CASQ2: variants seen among roughly 807,000 people sequenced by gnomAD.
CASQ2 encodes calsequestrin-2.
A neutral mutation model predicts 46.5 loss-of-function variants in CASQ2; 49 were observed. That is an observed-to-expected ratio of 1.05 (90% CI 0.84 to 1.34). The LOEUF is 1.34. CASQ2 is among the 40% of genes most tolerant of loss of function. The pLI, the probability that CASQ2 is intolerant of heterozygous loss-of-function variation, is 0.00. For missense variants in CASQ2, 486 were observed against 481.3 expected, an observed-to-expected ratio of 1.01 and a Z score of -0.09; for synonymous variants, 174 against 168.5, an observed-to-expected ratio of 1.03 and a Z score of -0.25.
intron 6 of CASQ2, among the ~76,000 whole-genome samples, 154 bp downstream of exon 6, chr1:115,726,838 C>A (rs778772079): frequency 6.6e-6 from 1 of 152,190 alleles, no homozygotes; most frequent in African/African-American, 2.4e-5. Context: ...CCCTGCTAGT[C>A]ATTACTGATC....
intron 1 of CASQ2, among the ~76,000 whole-genome samples, chr1:115,761,529 G>GAAGAAGAAGAAGAAGAAGA: frequency 1.5e-5 from 1 of 67,794 alleles, no homozygotes; most frequent in African/African-American, 5.0e-5. Context: ...AGAAGAAGAA[G>GAAGAAGAAGAAGAAGAAGA]AGTTCATAAA....
At chr1:115,703,206 C>T (rs1654264840) in intron 9 of CASQ2, among the ~76,000 whole-genome samples, 1 of 152,212 alleles carries the variant, frequency 6.6e-6, no homozygotes, top group Non-Finnish European at 1.5e-5. Context: ...ATTATGGAAA[C>T]ATGTGTCTGC....
intron 1 of CASQ2, among the ~76,000 whole-genome samples, chr1:115,757,791 CA>C (rs1294339164): frequency 1.3e-5 from 2 of 152,144 alleles, no homozygotes; most frequent in Non-Finnish European, 2.9e-5. Flanking sequence ...CTGGCAGATT[CA>C]ACCTCTTTAC....
intron 1 of CASQ2, among the ~76,000 whole-genome samples, chr1:115,761,489 AGAAGAAGG>A (rs1557806838): frequency 0.021 from 407 of 19,516 alleles, 10 homozygotes; most frequent in South Asian, 0.036. Context: ...AAGAAGAAGG[AGAAGAAGG>A]AGAAGAAGAA....
chr1:115,701,929 A>ATT (rs56927860), intron 10 of CASQ2, among the ~76,000 whole-genome samples: 54 of 148,458 alleles, frequency 3.6e-4, no homozygotes, highest in Admixed American at 7.4e-4. Context: ...ATTCTTTTTT[A>ATT]TTTTTTTTTT....
Position 115,731,055 on chromosome 1 carries a change from G to A in CASQ2, c.606+1846C>T, listed in dbSNP as rs373836357. ...GATGCAAGTTCTTAAGCACCAAATGGCATCAGAGTCCTCTCAGTGCTCTCC... is the reference window on the plus strand; with the variant it reads ...GATGCAAGTTCTTAAGCACCAAATGACATCAGAGTCCTCTCAGTGCTCTCC... On this transcript the variant is annotated intron_variant, in intron 5 of 10. Coordinates refer to ENST00000261448, the MANE Select transcript of CASQ2 (RefSeq NM_001232.4). 3.9e-5 allele frequency among the ~76,000 whole-genome samples: 6 copies of A among 152,206 alleles called. No homozygotes were observed. In the East Asian group the frequency reaches 9.6e-4, roughly 24 times the overall value.
intron 2 of CASQ2, among the ~76,000 whole-genome samples, chr1:115,741,258 C>T (rs1648165957): frequency 6.6e-6 from 1 of 152,192 alleles, no homozygotes; most frequent in Non-Finnish European, 1.5e-5. Flanking sequence ...GAGAACTGCT[C>T]TCTTGTCCCC....
intron 2 of CASQ2, among the ~76,000 whole-genome samples, chr1:115,741,292 T>A (rs1400711027): frequency 6.6e-6 from 1 of 152,222 alleles, no homozygotes; most frequent in East Asian, 1.9e-4. Flanking sequence ...TTGCTTCCTG[T>A]CCACATGTTT....
Position 115,732,949 on chromosome 1 carries a change from A to T in CASQ2, c.558T>A (p.Ala186=). 1.2e-6 allele frequency: 2 copies of T among 1,613,936 alleles called. No homozygotes were observed. The change falls in exon 5 of 11, where the codon GCT becomes GCA. Residue 186 remains alanine, a synonymous_variant. Transcript: ENST00000261448. ...ATTTGATGTAAGGCTGGAAGTGTTCAGCTGCTTCTTCAAAAGCCTTGTAGT... is the reference window on the plus strand; with the variant it reads ...ATTTGATGTAAGGCTGGAAGTGTTCTGCTGCTTCTTCAAAAGCCTTGTAGT... ...SEYYKAFEEA[A]EHFQPYIKFF... is the part of the protein sequence containing the mutation.
At chr1:115,710,890 G>C (rs541194064) in intron 8 of CASQ2, among the ~76,000 whole-genome samples, 1 of 152,202 alleles carries the variant, frequency 6.6e-6, no homozygotes, top group Non-Finnish European at 1.5e-5. Context: ...TCACATCTTT[G>C]TGGGAGGAGA....
chr1:115,748,611 A>G (rs1000604589), intron 1 of CASQ2, among the ~76,000 whole-genome samples: 1 of 149,156 alleles, frequency 6.7e-6, no homozygotes, highest in African/African-American at 2.5e-5. Flanking sequence ...TTTATGTATG[A>G]CTCATGTTGA....
At chr1:115,746,566 A>G (rs1056778061) in intron 1 of CASQ2, among the ~76,000 whole-genome samples, 6 of 152,180 alleles carry the variant, frequency 3.9e-5, no homozygotes, top group African/African-American at 1.4e-4. Context: ...TTTAATTTGC[A>G]TTTTCCTAAT....
chr1:115,701,196 G>A lies in CASQ2; in HGVS notation c.*45C>T, dbSNP rs998822686. ...GCCACCTTGTGCTGTCTGTATGGTAGTGGGTGCTGTGATTTTGTTTTCATC... is the reference window on the plus strand; with the variant it reads ...GCCACCTTGTGCTGTCTGTATGGTAATGGGTGCTGTGATTTTGTTTTCATC... On this transcript the variant is annotated 3_prime_UTR_variant, in exon 11 of 11. Transcript: ENST00000261448. The A allele has an allele frequency of 1.9e-6, 3 of 1,613,052 alleles. No individual in the cohort carries two copies. The highest frequency in any genetic ancestry group is 2.2e-5 in the South Asian group (2 of 91,026).
At chr1:115,729,906 C>T (rs1363580088) in intron 5 of CASQ2, among the ~76,000 whole-genome samples, 1 of 152,174 alleles carries the variant, frequency 6.6e-6, no homozygotes, top group Non-Finnish European at 1.5e-5. Flanking sequence ...TCTCATTGTT[C>T]ACTCAGACAG....
chr1:115,713,079 T>A (rs1442352500), intron 8 of CASQ2, among the ~76,000 whole-genome samples: 11 of 152,172 alleles, frequency 7.2e-5, no homozygotes, highest in South Asian at 6.2e-4. Flanking sequence ...GACAGCAGCC[T>A]TTCCTTGCAT....
intron 1 of CASQ2, among the ~76,000 whole-genome samples, chr1:115,767,809 C>T (rs10158267): frequency 0.32 from 48,722 of 152,000 alleles, 8,028 homozygotes; most frequent in East Asian, 0.53. Flanking sequence ...TGCTGACTGA[C>T]GCAAAACAAG....
chr1:115,743,573 CT>C (rs959051228), intron 2 of CASQ2, among the ~76,000 whole-genome samples: 2 of 151,776 alleles, frequency 1.3e-5, no homozygotes, highest in African/African-American at 4.8e-5. Flanking sequence ...TAATTTAAAT[CT>C]TTTTTTTAAA....
intron 8 of CASQ2, among the ~76,000 whole-genome samples, chr1:115,714,722 T>C (rs1178928371): frequency 1.3e-5 from 2 of 152,054 alleles, no homozygotes; most frequent in Non-Finnish European, 2.9e-5. Flanking sequence ...AAATTCAGAG[T>C]CAGGGACTTT....
chr1:115,712,160 A>C (rs1011657932), intron 8 of CASQ2, among the ~76,000 whole-genome samples: 1 of 152,214 alleles, frequency 6.6e-6, no homozygotes, highest in Non-Finnish European at 1.5e-5. Flanking sequence ...TCAGAGGGAC[A>C]GACAAGGCTG....
Sources: allele counts gnomAD v4.1 joint callset (sites outside exome capture counted in the v4.1 genomes callset), GRCh38; gene constraint gnomAD v4.1.1; transcripts MANE v1.5; gene names NCBI Gene and HGNC (gene_info 2026-07-23, HGNC 2026-07-21).